Variants in VKORC1L1 observed in about 807,000 individuals in gnomAD.
The protein encoded by VKORC1L1 is vitamin K epoxide reductase complex subunit 1L1.
Under a neutral mutation model 18.9 loss-of-function variants are expected in VKORC1L1, and 2 were observed. The observed-to-expected ratio is 0.11, with a 90% CI of 0.04 to 0.33. The LOEUF (loss-of-function observed/expected upper bound fraction) is 0.33, where lower values mean the gene tolerates loss of function less well. VKORC1L1 is among the 10% of genes least tolerant of loss of function. The pLI is 1.00. For synonymous variants in VKORC1L1, 96 were observed against 100.0 expected, an observed-to-expected ratio of 0.96 and a Z score of 0.24; for missense variants, 123 against 224.1, an observed-to-expected ratio of 0.55 and a Z score of 2.88.
intron 1 of VKORC1L1, among the ~76,000 whole-genome samples, chr7:65,897,269 A>G (rs1789229859): frequency 6.6e-6 from 1 of 152,256 alleles, no homozygotes; most frequent in Non-Finnish European, 1.5e-5. Flanking sequence ...GTAAGAGTTA[A>G]GCAAATTGAA....
chr7:65,921,459 C>A (rs1789674130), intron 1 of VKORC1L1, among the ~76,000 whole-genome samples: 1 of 152,118 alleles, frequency 6.6e-6, no homozygotes, highest in South Asian at 2.1e-4. Flanking sequence ...GATCATAGCT[C>A]ACTGCAGCCT....
chr7:65,957,828 C>G lies in VKORC1L1; in HGVS notation c.*3528C>G, dbSNP rs1790324422. ...GCCTGGGCAATGAGTGAAACTCTGT[C>G]TCAAATAAAAAAATAAAAATAAAAA... On this transcript the variant is annotated 3_prime_UTR_variant, in exon 3 of 3. Coordinates refer to ENST00000360768, the MANE Select transcript of VKORC1L1 (RefSeq NM_173517.6). 6.6e-6 allele frequency: 1 copy of G among 152,010 alleles called. No homozygotes were observed. Among genetic ancestry groups the G allele is most frequent in the Non-Finnish European group, 1.5e-5 (1 of 68,020 alleles). The allele number at this position is 152,010 out of a possible 1,614,324, so 9.4% of individuals were successfully genotyped here.
chr7:65,935,522 A>G (rs908447870), intron 1 of VKORC1L1, among the ~76,000 whole-genome samples: 5 of 152,036 alleles, frequency 3.3e-5, no homozygotes, highest in African/African-American at 9.6e-5. Flanking sequence ...GTTGGCCAGG[A>G]TGATCTTCGA....
intron 1 of VKORC1L1, among the ~76,000 whole-genome samples, chr7:65,895,514 T>TAC (rs1236686939): frequency 3.6e-4 from 28 of 77,498 alleles, no homozygotes; most frequent in South Asian, 1.1e-3. Context: ...TATATATATA[T>TAC]ATACACACAC....
intron 1 of VKORC1L1, among the ~76,000 whole-genome samples, chr7:65,916,747 C>T (rs1005057545): frequency 5.9e-5 from 9 of 152,062 alleles, no homozygotes; most frequent in South Asian, 2.1e-4. Flanking sequence ...TACAGGCCTG[C>T]GCCACCATGC....
At chr7:65,872,874 C>T (rs1312392437), upstream of VKORC1L1, among the ~76,000 whole-genome samples, 1 of 152,058 alleles carries the variant, frequency 6.6e-6, no homozygotes, top group Non-Finnish European at 1.5e-5. Context: ...GCCCAGTCAC[C>T]CACAGTGGCA....
In VKORC1L1 at chr7:65,874,382, C is replaced by T. The variant is rs1157979448; in HGVS notation, c.194+817C>T. Among the ~76,000 whole-genome samples, 3 of 151,862 alleles carry T rather than the reference C, an allele frequency of 2.0e-5. No homozygotes were observed. The East Asian group carries it at 5.9e-4, about 30-fold the overall frequency. On this transcript the variant is annotated intron_variant, in intron 1 of 2. Transcript: ENST00000360768. ...ACTTTTAAACGTTGTTGCCTATTAG[C>T]ATATTCGAGACCAGCATATTGGTCA...
chr7:65,947,501 ATGTT>A (rs1790141235), intron 1 of VKORC1L1, among the ~76,000 whole-genome samples: 2 of 152,066 alleles, frequency 1.3e-5, no homozygotes, highest in East Asian at 1.9e-4. Context: ...TTCAAAATGA[ATGTT>A]TGATATTTGT....
At chr7:65,912,915 A>ATT (rs1789523819) in intron 1 of VKORC1L1, among the ~76,000 whole-genome samples, 1 of 152,208 alleles carries the variant, frequency 6.6e-6, no homozygotes, top group Non-Finnish European at 1.5e-5. Context: ...TATGTATTTC[A>ATT]TCATGGACTA....
chr7:65,873,156 C>A lies in VKORC1L1; in HGVS notation c.-216C>A. ...GCGCCCGCGCGCGCCTTCCCCGCCC[C>A]GTCCGCCTCACTCCTTTTGGGGCGG... On this transcript the variant is annotated 5_prime_UTR_variant, in exon 1 of 3. Coordinates refer to ENST00000360768, the MANE Select transcript of VKORC1L1 (RefSeq NM_173517.6). 1 of 475,652 alleles carries A rather than the reference C, an allele frequency of 2.1e-6. No individual in the cohort carries two copies. Among genetic ancestry groups the A allele is most frequent in the Non-Finnish European group, 2.7e-6 (1 of 364,470 alleles). 29.5% of individuals were successfully genotyped at this position (475,652 alleles called of 1,614,324 possible). A position where few individuals can be genotyped will look rare whatever the true frequency, so the allele number is the denominator to read the frequency against.
intron 1 of VKORC1L1, among the ~76,000 whole-genome samples, chr7:65,946,971 A>T (rs12698508): frequency 0.11 from 16,585 of 151,514 alleles, 1,059 homozygotes; most frequent in Middle Eastern, 0.2. Flanking sequence ...GCAACTCTAT[A>T]AAAAAATACC....
Position 65,900,801 on chromosome 7 carries a change from CTAAAAATAATAA to C in VKORC1L1, c.194+27252_194+27263del, listed in dbSNP as rs1182316470. Among the ~76,000 whole-genome samples, 7 of 151,952 alleles carry C rather than the reference CTAAAAATAATAA, an allele frequency of 4.6e-5. No homozygotes were observed. In the South Asian group the frequency reaches 1.0e-3, roughly 23 times the overall value. The stretch of plus-strand genomic sequence containing the variant: ...GCCTGGGTGACAGAGCAAGACTCTG[CTAAAAATAATAA>C]TAAAAATAATAATAATAGAAGTACA... On this transcript the variant is annotated intron_variant, in intron 1 of 2. Transcript: ENST00000360768.
At position 65,958,054 on chromosome 7, in the gene VKORC1L1, C is replaced by T. The variant is rs1790328645; in HGVS notation, c.*3754C>T. ...CTATTTGGGGAAAAAGACCTAATGACCTAATATGCAATTTCTGTCCTCGTG... is the reference window on the plus strand; with the variant it reads ...CTATTTGGGGAAAAAGACCTAATGATCTAATATGCAATTTCTGTCCTCGTG... On this transcript the variant is annotated 3_prime_UTR_variant, in exon 3 of 3. Coordinates refer to ENST00000360768, the MANE Select transcript of VKORC1L1 (RefSeq NM_173517.6). 6.6e-6 allele frequency: 1 copy of T among 152,130 alleles called. No homozygotes were observed. The highest frequency in any genetic ancestry group is 6.6e-5 in the Admixed American group (1 of 15,252). 9.4% of individuals were successfully genotyped at this position (152,130 alleles called of 1,614,324 possible). A position where few individuals can be genotyped will look rare whatever the true frequency, so the allele number is the denominator to read the frequency against.
chr7:65,866,746 AC>A, the VKORC1L1 span, among the ~76,000 whole-genome samples: 9 of 152,130 alleles, frequency 5.9e-5, no homozygotes, highest in Non-Finnish European at 1.2e-4. Flanking sequence ...CCCCATCTCT[AC>A]AAAAAATAAA....
chr7:65,877,819 A>G (rs1357676346), intron 1 of VKORC1L1, among the ~76,000 whole-genome samples: 1 of 152,202 alleles, frequency 6.6e-6, no homozygotes, highest in Admixed American at 6.5e-5. Flanking sequence ...TGTATAGAAC[A>G]TATACCATAG....
chr7:65,944,073 A>G (rs1790079346), intron 1 of VKORC1L1, among the ~76,000 whole-genome samples: 2 of 152,068 alleles, frequency 1.3e-5, no homozygotes, highest in African/African-American at 4.8e-5. Flanking sequence ...GAGGTCTAAA[A>G]ACTACAAAAA....
At chr7:65,913,509 T>A (rs371964964) in intron 1 of VKORC1L1, among the ~76,000 whole-genome samples, 2 of 151,962 alleles carry the variant, frequency 1.3e-5, no homozygotes, top group East Asian at 3.9e-4. Context: ...GTGGATCACT[T>A]GAGGTCAGGA....
At chr7:65,947,418 T>G (rs1480290311) in intron 1 of VKORC1L1, among the ~76,000 whole-genome samples, 1 of 151,888 alleles carries the variant, frequency 6.6e-6, no homozygotes, top group African/African-American at 2.4e-5. Flanking sequence ...TAACTGGTTT[T>G]TTTTTTTTTT....
intron 1 of VKORC1L1, among the ~76,000 whole-genome samples, chr7:65,888,270 A>C (rs1368135594): frequency 6.6e-6 from 1 of 152,174 alleles, no homozygotes; most frequent in Admixed American, 6.6e-5. Context: ...ATTTGCACTG[A>C]CAAATGGACA....
Sources: allele counts gnomAD v4.1 joint callset (sites outside exome capture counted in the v4.1 genomes callset), GRCh38; gene constraint gnomAD v4.1.1; transcripts MANE v1.5; gene names NCBI Gene and HGNC (gene_info 2026-07-23, HGNC 2026-07-21).